Variants in MARCHF11 observed in about 807,000 individuals in gnomAD.
MARCHF11 encodes membrane associated ring-CH-type finger 11.
MARCHF11 carries 29 observed loss-of-function variants against 37.3 expected under a neutral mutation model. That is an observed-to-expected ratio of 0.78 (90% CI 0.58 to 1.06). The LOEUF (loss-of-function observed/expected upper bound fraction) is 1.06, where lower values mean the gene tolerates loss of function less well. Ranked by LOEUF, MARCHF11 falls within the 50% of genes least tolerant of loss-of-function variation. The pLI, the probability that MARCHF11 is intolerant of heterozygous loss-of-function variation, is 0.00. For missense variants in MARCHF11, 482 were observed against 533.4 expected (o/e 0.90, Z 0.95); for synonymous variants, 233 against 228.0 (o/e 1.02, Z -0.20).
intron 2 of MARCHF11, among the ~76,000 whole-genome samples, chr5:16,152,934 C>A (rs1737911306): frequency 6.6e-6 from 1 of 151,922 alleles, no homozygotes; most frequent in Non-Finnish European, 1.5e-5. Context: ...TGGCACCAAA[C>A]ACACACATTT....
chr5:16,096,428 A>G (rs1736869093), intron 2 of MARCHF11, among the ~76,000 whole-genome samples: 1 of 152,214 alleles, frequency 6.6e-6, no homozygotes, highest in African/African-American at 2.4e-5. Flanking sequence ...TTCTCTTTAC[A>G]TGTAAGTGCC....
intron 2 of MARCHF11, among the ~76,000 whole-genome samples, chr5:16,148,983 T>C (rs1244850147): frequency 6.6e-6 from 1 of 152,180 alleles, no homozygotes; most frequent in East Asian, 1.9e-4. Flanking sequence ...CTGAGGTGAC[T>C]GGATTTAGAG....
Position 16,179,301 on chromosome 5 carries a change from G to A in MARCHF11, c.275C>T (p.Ala92Val). ...LPPPPLPLQPAGQEVAAAGDS... is the reference protein window; with the variant it reads ...LPPPPLPLQPVGQEVAAAGDS... ...GCCGGCCGCCGCCACTTCCTGGCCG[G>A]CGGGCTGCAGGGGCAGGGGCGGAGG... is the stretch of plus-strand genomic sequence containing the variant. The change falls in exon 1 of 4, where the codon GCC (alanine) becomes GTC (valine). Residue 92 changes from alanine to valine, a missense_variant. By Grantham distance (64) the Ala-to-Val change is moderately conservative. Coordinates refer to ENST00000332432, the MANE Select transcript of MARCHF11 (RefSeq NM_001102562.3). The A allele has an allele frequency of 8.6e-6, 11 of 1,274,218 alleles. No individual in the cohort carries two copies. Among genetic ancestry groups the A allele is most frequent in the Non-Finnish European group, 1.1e-5 (11 of 1,011,722 alleles). 78.9% of individuals were successfully genotyped at this position (1,274,218 alleles called of 1,614,324 possible).
At chr5:16,088,154 T>C (rs1419176151) in intron 3 of MARCHF11, among the ~76,000 whole-genome samples, 4 of 152,262 alleles carry the variant, frequency 2.6e-5, no homozygotes, top group South Asian at 4.2e-4. Flanking sequence ...GCTTGGCTAT[T>C]GCTTCCCCAT....
At chr5:16,103,110 A>AG (rs1736985732) in intron 2 of MARCHF11, among the ~76,000 whole-genome samples, 2 of 132,034 alleles carry the variant, frequency 1.5e-5, no homozygotes, top group East Asian at 3.1e-4. Flanking sequence ...CTGCCCAGGC[A>AG]GAAAAAAAAA....
chr5:16,160,396 A>G (rs1044301123), intron 2 of MARCHF11, among the ~76,000 whole-genome samples: 1 of 145,496 alleles, frequency 6.9e-6, no homozygotes, highest in Admixed American at 7.0e-5. Context: ...TATAATATAT[A>G]TTTATATAAT....
intron 2 of MARCHF11, among the ~76,000 whole-genome samples, chr5:16,134,369 C>A (rs1402939890): frequency 6.6e-6 from 1 of 152,136 alleles, no homozygotes; most frequent in African/African-American, 2.4e-5. Flanking sequence ...AGGCTTGAGG[C>A]TGCAAGTCTG....
chr5:16,102,408 C>T (rs1736971680), intron 2 of MARCHF11, among the ~76,000 whole-genome samples: 2 of 152,204 alleles, frequency 1.3e-5, no homozygotes, highest in African/African-American at 4.8e-5. Flanking sequence ...CTTGACATCC[C>T]TGTTTGCCTG....
intron 2 of MARCHF11, among the ~76,000 whole-genome samples, chr5:16,146,197 A>T (rs1737792413): frequency 6.6e-6 from 1 of 152,152 alleles, no homozygotes; most frequent in Non-Finnish European, 1.5e-5. Flanking sequence ...AATGTCAGGA[A>T]CCTTTTTGCT....
At chr5:16,128,666 T>C (rs75528649) in intron 2 of MARCHF11, among the ~76,000 whole-genome samples, 3,824 of 152,318 alleles carry the variant, frequency 0.025, 178 homozygotes, top group African/African-American at 0.088. Flanking sequence ...GGAAAAATCA[T>C]TGAACATAGA....
chr5:16,169,643 C>T (rs973056928), intron 2 of MARCHF11, among the ~76,000 whole-genome samples: 2 of 152,076 alleles, frequency 1.3e-5, no homozygotes, highest in African/African-American at 4.8e-5. Context: ...ATTCACTTGG[C>T]TAAATCATGT....
rs542521667 is a variant in MARCHF11 at position 16,085,861 on chromosome 5, A to G, written c.886+5028T>C. ...AGGCTGAGGCAGGATAATGGCATGA[A>G]CCCGGGAGGTGGAGCTTGCAGTGAG... On this transcript the variant is annotated intron_variant, in intron 3 of 3. Transcript: ENST00000332432. Among the ~76,000 whole-genome samples, 65 of 142,952 alleles carry G rather than the reference A, an allele frequency of 4.5e-4. 1 individual carries two copies. The South Asian group carries it at 9.9e-3, about 22-fold the overall frequency. The allele number at this position is 142,952 out of a possible 152,430, so 93.8% of individuals were successfully genotyped here.
intron 3 of MARCHF11, among the ~76,000 whole-genome samples, chr5:16,083,976 T>A (rs1176610805): frequency 7.2e-5 from 11 of 152,214 alleles, no homozygotes; most frequent in Admixed American, 7.2e-4. Context: ...TTATCCTGAA[T>A]TTCGTTTTCA....
At chr5:16,131,180 A>T (rs1158463381) in intron 2 of MARCHF11, among the ~76,000 whole-genome samples, 2 of 152,240 alleles carry the variant, frequency 1.3e-5, no homozygotes, top group East Asian at 1.9e-4. Flanking sequence ...TCTGGTTCTG[A>T]TGGCAATGAC....
intron 2 of MARCHF11, among the ~76,000 whole-genome samples, chr5:16,171,918 A>G (rs1738273483): frequency 6.6e-6 from 1 of 152,210 alleles, no homozygotes; most frequent in African/African-American, 2.4e-5. Context: ...AGCACAGAAG[A>G]GGAAGGTGTC....
At chr5:16,174,827 G>A (rs1738329582) in intron 2 of MARCHF11, among the ~76,000 whole-genome samples, 1 of 152,200 alleles carries the variant, frequency 6.6e-6, no homozygotes, top group Non-Finnish European at 1.5e-5. Flanking sequence ...GGGGGATAAA[G>A]ATGGCCACTC....
chr5:16,090,491 C>A (rs749914812), intron 3 of MARCHF11, among the ~76,000 whole-genome samples: 1 of 152,104 alleles, frequency 6.6e-6, no homozygotes, highest in Non-Finnish European at 1.5e-5. Context: ...TCTGTCCTCT[C>A]CCCAAACGCA....
At chr5:16,109,872 C>G (rs990271334) in intron 2 of MARCHF11, among the ~76,000 whole-genome samples, 2 of 152,130 alleles carry the variant, frequency 1.3e-5, no homozygotes. Flanking sequence ...ATGCCTAGTG[C>G]CAGAAGTGAA....
At chr5:16,155,907 A>C (rs992280950) in intron 2 of MARCHF11, among the ~76,000 whole-genome samples, 28 of 151,864 alleles carry the variant, frequency 1.8e-4, no homozygotes, top group Non-Finnish European at 2.9e-5. Context: ...AGCCTGTGAA[A>C]CTGCACTTTC....
Sources: allele counts gnomAD v4.1 joint callset (sites outside exome capture counted in the v4.1 genomes callset), GRCh38; gene constraint gnomAD v4.1.1; transcripts MANE v1.5; gene names NCBI Gene and HGNC (gene_info 2026-07-23, HGNC 2026-07-21).